Variants in CEP112 observed in about 807,000 individuals in gnomAD.
The protein encoded by CEP112 is centrosomal protein 112.
A neutral mutation model predicts 153.0 loss-of-function variants in CEP112; 127 were observed. That is an observed-to-expected ratio of 0.83 (90% confidence interval 0.72 to 0.96). The LOEUF (loss-of-function observed/expected upper bound fraction) is 0.96. CEP112 is among the 40% of genes least tolerant of loss of function. CEP112 has a pLI of 0.00. For synonymous variants in CEP112, 358 were observed against 374.4 expected (o/e 0.96, Z 0.51); for missense variants, 1,089 against 1,101.2 (o/e 0.99, Z 0.16).
chr17:66,111,412 T>A (rs1443757348), intron 6 of CEP112, among the ~76,000 whole-genome samples: 1 of 152,146 alleles, frequency 6.6e-6, no homozygotes, highest in East Asian at 1.9e-4. Flanking sequence ...CGAATGTTCA[T>A]TGCAGTACTA....
intron 22 of CEP112, among the ~76,000 whole-genome samples, chr17:65,747,524 G>A (rs1351397151): frequency 6.6e-6 from 1 of 152,144 alleles, no homozygotes; most frequent in Admixed American, 6.6e-5. Flanking sequence ...AGGCTGAGTG[G>A]GGAAAACTAT....
chr17:65,952,961 G>C (rs2061886088), intron 18 of CEP112, among the ~76,000 whole-genome samples: 1 of 151,872 alleles, frequency 6.6e-6, no homozygotes, highest in Non-Finnish European at 1.5e-5. Context: ...TTTTTAATTG[G>C]ATTGTCTTTT....
intron 23 of CEP112, among the ~76,000 whole-genome samples, chr17:65,703,224 C>T (rs2048729255): frequency 6.6e-6 from 1 of 152,022 alleles, no homozygotes; most frequent in South Asian, 2.1e-4. Flanking sequence ...GTAGAAACCT[C>T]ACCTTATAAG....
chr17:65,649,029 C>T (rs965441869), intron 24 of CEP112, among the ~76,000 whole-genome samples: 1 of 151,376 alleles, frequency 6.6e-6, no homozygotes, highest in Non-Finnish European at 1.5e-5. Flanking sequence ...CTAGCCTGGG[C>T]AACAGAGTGA....
rs183078296 is a variant in CEP112 at position 65,782,678 on chromosome 17, G to A, written c.2395-31954C>T. 9.3e-4 allele frequency among the ~76,000 whole-genome samples: 141 copies of A among 152,264 alleles called. 1 individual carries two copies. The highest frequency in any genetic ancestry group is 3.3e-3 in the African/African-American group (139 of 41,568). On this transcript the variant is annotated intron_variant, in intron 21 of 26. Transcript: ENST00000535342. ...GCAGCCACAAAAAGGGCGAAATCAT[G>A]TCCTTTGCAGCAACATGGATACAGC...
chr17:65,937,251 T>C (rs2061343497), intron 18 of CEP112, among the ~76,000 whole-genome samples: 1 of 113,272 alleles, frequency 8.8e-6, no homozygotes, highest in Admixed American at 1.1e-4. Flanking sequence ...GTCTGGGAAG[T>C]GAGGAGCGTC....
At chr17:66,029,505 T>G (rs1238517153) in intron 13 of CEP112, among the ~76,000 whole-genome samples, 3 of 152,078 alleles carry the variant, frequency 2.0e-5, no homozygotes. Context: ...GAGACCAGCC[T>G]GGGCAACAGA....
intron 21 of CEP112, among the ~76,000 whole-genome samples, chr17:65,837,663 G>A (rs985295212): frequency 6.6e-6 from 1 of 152,226 alleles, no homozygotes; most frequent in African/African-American, 2.4e-5. Flanking sequence ...GAAATGTGGG[G>A]AAAAGAAAGA....
chr17:65,929,849 C>A (rs2061061659), intron 18 of CEP112, among the ~76,000 whole-genome samples: 1 of 152,176 alleles, frequency 6.6e-6, no homozygotes, highest in African/African-American at 2.4e-5. Context: ...AAAACACACA[C>A]AAAATAAATA....
chr17:66,152,171 A>G (rs1046729261), intron 4 of CEP112, among the ~76,000 whole-genome samples: 1 of 152,184 alleles, frequency 6.6e-6, no homozygotes. Flanking sequence ...TGTGCTAAAG[A>G]CAAAGTTGAT....
Position 66,139,973 on chromosome 17 carries a change from CAATAAAGGAA to C in CEP112, c.471-7220_471-7211del, listed in dbSNP as rs144692380. Among the ~76,000 whole-genome samples the C allele has an allele frequency of 7.7e-3, 1,167 of 152,194 alleles. 14 individuals carry two copies. Among genetic ancestry groups the C allele is most frequent in the African/African-American group, 0.026 (1,098 of 41,532 alleles). On this transcript the variant is annotated intron_variant, in intron 4 of 26. Transcript: ENST00000535342. Reference sequence around the variant, plus strand: ...ATACCAAAACCAGACAAAGACACTACAATAAAGGAAAATTACAAGCCAATACCTGAATAAC... The same window carrying C: ...ATACCAAAACCAGACAAAGACACTACAATTACAAGCCAATACCTGAATAAC...
chr17:65,831,089 G>A (rs182095931), intron 21 of CEP112, among the ~76,000 whole-genome samples: 40 of 152,260 alleles, frequency 2.6e-4, no homozygotes, highest in African/African-American at 8.4e-4. Context: ...CAAAGAATAC[G>A]TGCATAAAAT....
chr17:65,953,722 G>A (rs981049565), intron 18 of CEP112, among the ~76,000 whole-genome samples: 1 of 152,030 alleles, frequency 6.6e-6, no homozygotes, highest in Non-Finnish European at 1.5e-5. Flanking sequence ...TGGCTCACTA[G>A]AGGCAGCCAT....
At chr17:65,747,435 A>G (rs1567955272) in intron 22 of CEP112, among the ~76,000 whole-genome samples, 1 of 152,336 alleles carries the variant, frequency 6.6e-6, no homozygotes, top group East Asian at 1.9e-4. Flanking sequence ...TTCCAACTTC[A>G]GTCCTGCCCA....
At chr17:65,661,620 T>C (rs1014075577) in intron 24 of CEP112, 1 of 152,350 alleles carries the variant, frequency 6.6e-6, no homozygotes, top group Admixed American at 6.5e-5. Context: ...GTAAGTTCTA[T>C]GTTGAACCGG....
chr17:66,112,998 G>C (rs2069126284), intron 6 of CEP112, among the ~76,000 whole-genome samples: 1 of 151,786 alleles, frequency 6.6e-6, no homozygotes, highest in Non-Finnish European at 1.5e-5. Flanking sequence ...GAACCTGGGA[G>C]GTAGACGTTG....
chr17:65,824,633 G>T (rs2056750287), intron 21 of CEP112, among the ~76,000 whole-genome samples: 1 of 152,232 alleles, frequency 6.6e-6, no homozygotes, highest in African/African-American at 2.4e-5. Flanking sequence ...CATCTTTGAG[G>T]AAGAAAGATG....
intron 23 of CEP112, among the ~76,000 whole-genome samples, chr17:65,724,281 T>C (rs2050054412): frequency 6.6e-6 from 1 of 152,206 alleles, no homozygotes; most frequent in Non-Finnish European, 1.5e-5. Flanking sequence ...GCCAATTACA[T>C]ACACTTGAAA....
chr17:65,986,686 T>A (rs1404372116), intron 17 of CEP112, among the ~76,000 whole-genome samples: 3 of 29,064 alleles, frequency 1.0e-4, no homozygotes, highest in African/African-American at 6.0e-4. Context: ...CATTATTTCA[T>A]TCAAAAAATC....
Sources: allele counts gnomAD v4.1 joint callset (sites outside exome capture counted in the v4.1 genomes callset), GRCh38; gene constraint gnomAD v4.1.1; transcripts MANE v1.5; gene names NCBI Gene and HGNC (gene_info 2026-07-23, HGNC 2026-07-21).